OR13G1: variants seen among roughly 807,000 people sequenced by gnomAD.
OR13G1 encodes olfactory receptor family 13 subfamily G member 1, also known as olfactory receptor 13G1.
For synonymous variants in OR13G1, 128 were observed against 136.2 expected (o/e 0.94, Z 0.42); for missense variants, 369 against 385.7 (o/e 0.96, Z 0.36).
chr1:247,673,685 C>G (rs1659257597), intron 1 of OR13G1, among the ~76,000 whole-genome samples: 1 of 152,032 alleles, frequency 6.6e-6, no homozygotes, highest in Non-Finnish European at 1.5e-5. Context: ...AGTAGTTTTT[C>G]ATCGGTTTGA....
At chr1:247,674,351 A>G (rs1659299111) in intron 1 of OR13G1, among the ~76,000 whole-genome samples, 1 of 152,214 alleles carries the variant, frequency 6.6e-6, no homozygotes, top group Admixed American at 6.5e-5. Context: ...TTCAGAGATC[A>G]TATTGTACCT....
chr1:247,673,767 T>TA (rs1176164513), intron 1 of OR13G1, among the ~76,000 whole-genome samples: 2 of 152,294 alleles, frequency 1.3e-5, no homozygotes, highest in East Asian at 1.9e-4. Context: ...TAATTGGATT[T>TA]AAAAATATAA....
chr1:247,678,083 A>T (rs1452406066), intron 1 of OR13G1, among the ~76,000 whole-genome samples: 1 of 152,194 alleles, frequency 6.6e-6, no homozygotes, highest in African/African-American at 2.4e-5. Flanking sequence ...GACCTGGGCA[A>T]CAAGAGCGAA....
In OR13G1 at chr1:247,671,883, A is replaced by G. The variant is rs1192514146; in HGVS notation, c.*235T>C. The G allele has an allele frequency of 4.1e-6, 2 of 483,652 alleles. No homozygotes were observed. Among genetic ancestry groups the G allele is most frequent in the Non-Finnish European group, 7.2e-6 (2 of 275,902 alleles). The allele number at this position is 483,652 out of a possible 1,614,324, so 30.0% of individuals were successfully genotyped here. Reference sequence around the variant, plus strand: ...GAAGTTATGTACATATTTTTGGAAAATGTTGGAATATATATTATGACATAT... The same window carrying G: ...GAAGTTATGTACATATTTTTGGAAAGTGTTGGAATATATATTATGACATAT... On this transcript the variant is annotated 3_prime_UTR_variant, in exon 2 of 2. Coordinates refer to ENST00000642119, the MANE Select transcript of OR13G1 (RefSeq NM_001005487.2).
intron 1 of OR13G1, among the ~76,000 whole-genome samples, chr1:247,677,206 G>A (rs1659362114): frequency 6.6e-6 from 1 of 152,156 alleles, no homozygotes; most frequent in South Asian, 2.1e-4. Flanking sequence ...TTGTGCCACT[G>A]CACTGCAGCC....
chr1:247,673,062 G>T lies in OR13G1; in HGVS notation c.-21C>A, dbSNP rs1246673960. The T allele has an allele frequency of 1.1e-5, 17 of 1,539,172 alleles. No individual in the cohort carries two copies. Among genetic ancestry groups the T allele is most frequent in the Non-Finnish European group, 1.4e-5 (16 of 1,124,870 alleles). On this transcript the variant is annotated 5_prime_UTR_variant, in exon 2 of 2. Coordinates refer to ENST00000642119, the MANE Select transcript of OR13G1 (RefSeq NM_001005487.2). ...TTCATCCTGCTTGGGTGATTGAATG[G>T]CAGTAATTGCACAGAATAAACAACT...
chr1:247,671,268 G>T lies in OR13G1; in HGVS notation c.*850C>A, dbSNP rs549286909. ...TGGGTTATCCTTATAAAAATAATAG[G>T]CAGTGCTTCATTTGCCTCATGAAAT... is the stretch of plus-strand genomic sequence containing the variant. On this transcript the variant is annotated 3_prime_UTR_variant, in exon 2 of 2. Transcript: ENST00000642119. The T allele has an allele frequency of 3.7e-4, 56 of 152,076 alleles. No homozygotes were observed. Among genetic ancestry groups the T allele is most frequent in the African/African-American group, 1.3e-3 (55 of 41,484 alleles). 9.4% of individuals were successfully genotyped at this position (152,076 alleles called of 1,614,324 possible). A position where few individuals can be genotyped will look rare whatever the true frequency, so the allele number is the denominator to read the frequency against.
At position 247,672,991 on chromosome 1, in the gene OR13G1, CT is replaced by C. The variant is rs769405409; in HGVS notation, c.50del (p.Lys17SerfsTer45). Reference protein sequence around the residue: ...TEFIILGLTKKPELQGIIFLF... With the variant: ...TEFIILGLTKXPELQGIIFLF... ...GGAAGATAATTCCCTGGAGTTCAGG[CT>C]TTTTGGTGAGGCCCAGAATAATGAA... On this transcript the variant is annotated frameshift_variant, in exon 2 of 2. Coordinates refer to ENST00000642119, the MANE Select transcript of OR13G1 (RefSeq NM_001005487.2). LOFTEE classifies it low-confidence loss of function (END_TRUNC). 7.4e-6 allele frequency: 12 copies of C among 1,613,642 alleles called. No homozygotes were observed. The African/African-American group carries it at 1.6e-4, about 22-fold the overall frequency.
rs1297347568 is a variant in OR13G1 at position 247,672,013 on chromosome 1, G to A, written c.*105C>T. 6.7e-6 allele frequency: 6 copies of A among 900,814 alleles called. No individual in the cohort carries two copies. Among genetic ancestry groups the A allele is most frequent in the Non-Finnish European group, 1.0e-5 (6 of 595,698 alleles). The allele number at this position is 900,814 out of a possible 1,614,324, so 55.8% of individuals were successfully genotyped here. On this transcript the variant is annotated 3_prime_UTR_variant, in exon 2 of 2. Coordinates refer to ENST00000642119, the MANE Select transcript of OR13G1 (RefSeq NM_001005487.2). ...TGCTAGGAAGAAGGCAGGAATAAGA[G>A]GGAAGGGAAAATTGGAGTGGAGGTA...
In OR13G1 at chr1:247,672,924, T is replaced by C. The variant is rs779139544; in HGVS notation, c.118A>G (p.Met40Val). Residue 40 changes from methionine (M) to valine (V), a missense_variant, in exon 2 of 2, where the codon ATG becomes GTG. Transcript: ENST00000642119. ...IVYLVAFLGN[M>V]LIIIAKIYNN... ...TAGATTTTGGCAATGATGATGAGCA[T>C]GTTGCCGAGAAAAGCCACAAGATAG... The C allele has an allele frequency of 6.2e-7, 1 of 1,614,034 alleles. No homozygotes were observed. The highest frequency in any genetic ancestry group is 8.5e-7 in the Non-Finnish European group (1 of 1,179,952).
chr1:247,675,888 A>C (rs980147900), intron 1 of OR13G1, among the ~76,000 whole-genome samples: 3 of 152,132 alleles, frequency 2.0e-5, no homozygotes, highest in African/African-American at 7.2e-5. Flanking sequence ...CAGAAATAGA[A>C]AGTCTATTTC....
At chr1:247,676,177 C>G (rs891391389) in intron 1 of OR13G1, among the ~76,000 whole-genome samples, 2 of 152,006 alleles carry the variant, frequency 1.3e-5, no homozygotes, top group Non-Finnish European at 1.5e-5. Flanking sequence ...GTAAACTCAC[C>G]GAGATTCTTT....
At chr1:247,675,890 G>T (rs1271806114) in intron 1 of OR13G1, among the ~76,000 whole-genome samples, 3 of 152,036 alleles carry the variant, frequency 2.0e-5, no homozygotes, top group African/African-American at 7.3e-5. Context: ...GAAATAGAAA[G>T]TCTATTTCTA....
In OR13G1 at chr1:247,672,983, A is replaced by G. The variant is rs200285546; in HGVS notation, c.59T>C (p.Leu20Pro). The G allele has an allele frequency of 6.2e-7, 1 of 1,614,016 alleles. No homozygotes were observed. The highest frequency in any genetic ancestry group is 2.2e-5 in the East Asian group (1 of 44,872). Residue 20 changes from leucine (L) to proline (P), a missense_variant, in exon 2 of 2, where the codon CTC (leucine) becomes CCC (proline). Transcript: ENST00000642119. ...IILGLTKKPE[L>P]QGIIFLFFLI... ...AAAAAAGAGGAAGATAATTCCCTGGAGTTCAGGCTTTTTGGTGAGGCCCAG... is the reference window on the plus strand; with the variant it reads ...AAAAAAGAGGAAGATAATTCCCTGGGGTTCAGGCTTTTTGGTGAGGCCCAG...
rs1008233298 is a variant in OR13G1 at position 247,671,419 on chromosome 1, T to C, written c.*699A>G. On this transcript the variant is annotated 3_prime_UTR_variant, in exon 2 of 2. Transcript: ENST00000642119. ...AAGATGACTGAAGGTGCCTGTTTCA[T>C]TGATGGACCCATTGAACCGCCATAC... 1.3e-5 allele frequency: 2 copies of C among 152,114 alleles called. No individual in the cohort carries two copies. Among genetic ancestry groups the C allele is most frequent in the East Asian group, 1.9e-4 (1 of 5,178 alleles). The allele number at this position is 152,114 out of a possible 1,614,324, so 9.4% of individuals were successfully genotyped here.
At chr1:247,675,498 C>G (rs139494453) in intron 1 of OR13G1, among the ~76,000 whole-genome samples, 23 of 152,212 alleles carry the variant, frequency 1.5e-4, no homozygotes, top group African/African-American at 5.3e-4. Context: ...TTCTGTTTCT[C>G]TTTTCTTCTT....
intron 1 of OR13G1, among the ~76,000 whole-genome samples, chr1:247,676,511 G>A (rs1160069812): frequency 1.3e-5 from 2 of 151,614 alleles, no homozygotes; most frequent in African/African-American, 4.8e-5. Context: ...ATATTTAAAG[G>A]CCACAGTTTA....
At position 247,672,440 on chromosome 1, in the gene OR13G1, A is replaced by C. The variant is rs1347646200; in HGVS notation, c.602T>G (p.Ile201Ser). The C allele has an allele frequency of 1.2e-6, 2 of 1,613,994 alleles. No homozygotes were observed. Among genetic ancestry groups the C allele is most frequent in the African/African-American group, 2.7e-5 (2 of 74,922 alleles). Reference protein sequence around the residue: ...INEVMVYVADITLAIGDFILT... With the variant: ...INEVMVYVADSTLAIGDFILT... ...AATAAAGTCCCCTATGGCCAGGGTA[A>C]TATCAGCAACATACACCATCACCTC... Residue 201 changes from isoleucine (I) to serine (S), a missense_variant, in exon 2 of 2, where the codon ATT (isoleucine) becomes AGT (serine). Coordinates refer to ENST00000642119, the MANE Select transcript of OR13G1 (RefSeq NM_001005487.2).
chr1:247,673,124 C>A lies in OR13G1; in HGVS notation c.-83G>T. 9.4e-7 allele frequency: 1 copy of A among 1,063,412 alleles called. No homozygotes were observed. The highest frequency in any genetic ancestry group is 1.4e-6 in the Non-Finnish European group (1 of 727,374). 65.9% of individuals were successfully genotyped at this position (1,063,412 alleles called of 1,614,324 possible). On this transcript the variant is annotated 5_prime_UTR_variant, in exon 2 of 2. The change abolishes an upstream ATG in the 5' untranslated region. Transcript: ENST00000642119. The stretch of plus-strand genomic sequence containing the variant: ...GAATCCCTGTGTTGTTAGGAGATAA[C>A]ATGAGGAGTGTGTGTACTTAGGGAC...
Sources: gnomAD v4.1 joint callset for allele counts (sites outside exome capture counted in the v4.1 genomes callset) on GRCh38, gnomAD v4.1.1 for gene constraint, MANE v1.5 for transcripts, NCBI Gene and HGNC (gene_info 2026-07-23, HGNC 2026-07-21) for gene names.